Variants in TBC1D5 observed in about 807,000 individuals in gnomAD.
TBC1D5 encodes the protein TBC1 domain family member 5, also known as TBC1 domain family, member 5.
Under a neutral mutation model 100.3 loss-of-function variants are expected in TBC1D5, and 75 were observed. The ratio of observed to expected loss-of-function variants is 0.75; its 90% CI spans 0.62 to 0.91. TBC1D5 has a LOEUF of 0.91. TBC1D5 is among the 40% of genes least tolerant of loss of function. The probability of loss-of-function intolerance (pLI) is 0.00; values close to 1 mark genes in which losing one functional copy is unlikely to be tolerated. For missense variants in TBC1D5, 910 were observed against 942.4 expected (o/e 0.97, Z 0.45); for synonymous variants, 323 against 325.6 (o/e 0.99, Z 0.09).
At chr3:17,175,618 C>T (rs1027257397) in intron 19 of TBC1D5, among the ~76,000 whole-genome samples, 2 of 152,184 alleles carry the variant, frequency 1.3e-5, no homozygotes, top group Non-Finnish European at 2.9e-5. Context: ...ATGCCTTAGT[C>T]ATATGAAATA....
intron 1 of TBC1D5, among the ~76,000 whole-genome samples, chr3:17,711,586 G>A (rs1425043633): frequency 6.6e-6 from 1 of 151,632 alleles, no homozygotes; most frequent in African/African-American, 2.4e-5. Context: ...AACTTGTTTT[G>A]AAGTTTCTCA....
At chr3:17,587,145 T>C (rs1464561406) in intron 2 of TBC1D5, among the ~76,000 whole-genome samples, 1 of 152,018 alleles carries the variant, frequency 6.6e-6, no homozygotes, top group African/African-American at 2.4e-5. Context: ...TTTTCATCTT[T>C]AGTAATACAC....
intron 15 of TBC1D5, among the ~76,000 whole-genome samples, chr3:17,275,566 C>T (rs1353612445): frequency 6.6e-6 from 1 of 152,134 alleles, no homozygotes; most frequent in Non-Finnish European, 1.5e-5. Flanking sequence ...AACCAACCAA[C>T]CCCCCGTAAC....
intron 13 of TBC1D5, among the ~76,000 whole-genome samples, chr3:17,310,404 G>A (rs1018377999): frequency 6.6e-6 from 1 of 151,790 alleles, no homozygotes; most frequent in African/African-American, 2.4e-5. Context: ...CTTTCATATT[G>A]CTTCACTCTT....
intron 18 of TBC1D5, among the ~76,000 whole-genome samples, chr3:17,191,214 T>G (rs2069842959): frequency 6.6e-6 from 1 of 152,212 alleles, no homozygotes. Context: ...GGCTTGACAC[T>G]TACCTTCTCT....
At chr3:17,591,235 A>AAAAG (rs2096767029) in intron 2 of TBC1D5, among the ~76,000 whole-genome samples, 1 of 94,248 alleles carries the variant, frequency 1.1e-5, no homozygotes, top group Admixed American at 1.0e-4. Flanking sequence ...GGATCTGTCA[A>AAAAG]AAAAAAAAAA....
intron 15 of TBC1D5, among the ~76,000 whole-genome samples, chr3:17,275,137 T>C (rs2079841343): frequency 6.6e-6 from 1 of 152,150 alleles, no homozygotes; most frequent in African/African-American, 2.4e-5. Flanking sequence ...CAGAAACCAA[T>C]TTTAATAACA....
Position 17,616,516 on chromosome 3 carries a change from G to T in TBC1D5, c.-36+7333C>A, listed in dbSNP as rs959860254. ...TAAAGTCTCCCATTATTATTGTGTGGGAGTCTAAGTCTCTTTGTAGGTCTT... is the reference window on the plus strand; with the variant it reads ...TAAAGTCTCCCATTATTATTGTGTGTGAGTCTAAGTCTCTTTGTAGGTCTT... On this transcript the variant is annotated intron_variant, in intron 2 of 21. Transcript: ENST00000253692. Among the ~76,000 whole-genome samples the T allele has an allele frequency of 2.0e-5, 3 of 152,000 alleles. 1 individual carries two copies.
intron 1 of TBC1D5, among the ~76,000 whole-genome samples, chr3:17,712,914 T>A (rs1403911508): frequency 6.6e-6 from 1 of 152,196 alleles, no homozygotes; most frequent in African/African-American, 2.4e-5. Context: ...CCACTCTCCA[T>A]CCCAGTGTCA....
In TBC1D5 at chr3:17,411,060, T is replaced by G. The variant is rs1434717863; in HGVS notation, c.168-4534A>C. Among the ~76,000 whole-genome samples, 3 of 152,106 alleles carry G rather than the reference T, an allele frequency of 2.0e-5. No individual in the cohort carries two copies. In the East Asian group the frequency reaches 5.8e-4, roughly 29 times the overall value. On this transcript the variant is annotated intron_variant, in intron 4 of 21. Coordinates refer to ENST00000253692, the Ensembl canonical transcript of TBC1D5. ...AGTCAATCTATGTGGCATACTTCACTGTTGTGTTTTTTAAAGGAATTGCCA... is the reference window on the plus strand; with the variant it reads ...AGTCAATCTATGTGGCATACTTCACGGTTGTGTTTTTTAAAGGAATTGCCA...
intron 8 of TBC1D5, among the ~76,000 whole-genome samples, chr3:17,392,775 T>G (rs1181546653): frequency 1.3e-5 from 2 of 152,144 alleles, no homozygotes; most frequent in East Asian, 3.9e-4. Flanking sequence ...TGATGGGCAT[T>G]TGGGTTGGTT....
chr3:17,279,893 T>C lies in TBC1D5; in HGVS notation c.1245+12002A>G, dbSNP rs185710624. Among the ~76,000 whole-genome samples, 121 of 152,348 alleles carry C rather than the reference T, an allele frequency of 7.9e-4. 1 individual carries two copies. The highest frequency in any genetic ancestry group is 6.9e-4 in the Non-Finnish European group (47 of 68,032). On this transcript the variant is annotated intron_variant, in intron 15 of 21. Coordinates refer to ENST00000253692, the Ensembl canonical transcript of TBC1D5. ...TTACACTGAAAGCTTTTGAACAGAT[T>C]ATGTGTCCCTATTTCATTACATCAC...
intron 3 of TBC1D5, among the ~76,000 whole-genome samples, chr3:17,468,170 T>C (rs1426627604): frequency 6.6e-6 from 1 of 152,076 alleles, no homozygotes; most frequent in Non-Finnish European, 1.5e-5. Context: ...GTACAGACAT[T>C]TAGGAACACT....
At chr3:17,330,336 A>T (rs1191046351) in intron 13 of TBC1D5, among the ~76,000 whole-genome samples, 4 of 152,146 alleles carry the variant, frequency 2.6e-5, no homozygotes, top group Admixed American at 2.6e-4. Context: ...TCAGGTGCTC[A>T]GGGTAATCTC....
intron 2 of TBC1D5, among the ~76,000 whole-genome samples, chr3:17,543,859 GTTGT>G (rs1576615922): frequency 2.0e-5 from 3 of 151,522 alleles, no homozygotes; most frequent in East Asian, 3.9e-4. Context: ...GGCCTGAAAA[GTTGT>G]TTGTTTTTTT....
intron 15 of TBC1D5, among the ~76,000 whole-genome samples, chr3:17,258,809 A>G (rs1009613723): frequency 1.3e-5 from 2 of 152,156 alleles, no homozygotes; most frequent in African/African-American, 4.8e-5. Context: ...GTTAATATTT[A>G]TTCATCATTA....
intron 3 of TBC1D5, among the ~76,000 whole-genome samples, chr3:17,494,458 G>C (rs187538274): frequency 2.8e-4 from 42 of 152,312 alleles, no homozygotes; most frequent in South Asian, 2.1e-4. Context: ...GCACTGTGCT[G>C]GGGGGAATCC....
intron 1 of TBC1D5, among the ~76,000 whole-genome samples, chr3:17,681,899 T>G (rs1577435235): frequency 6.6e-6 from 1 of 151,504 alleles, no homozygotes; most frequent in Non-Finnish European, 1.5e-5. Context: ...TGTAAGATCA[T>G]CAGCAGCATT....
chr3:17,294,847 C>G (rs1326352498), intron 14 of TBC1D5, among the ~76,000 whole-genome samples: 1 of 152,138 alleles, frequency 6.6e-6, no homozygotes, highest in Non-Finnish European at 1.5e-5. Flanking sequence ...TATTAAATCT[C>G]CTTTTGAATA....
Sources: gnomAD v4.1 joint callset for allele counts (sites outside exome capture counted in the v4.1 genomes callset) on GRCh38, gnomAD v4.1.1 for gene constraint, MANE v1.5 for transcripts, NCBI Gene and HGNC (gene_info 2026-07-23, HGNC 2026-07-21) for gene names.